NAT16: variants seen among roughly 807,000 people sequenced by gnomAD.
NAT16 encodes N-acetyltransferase 16 (putative).
NAT16 carries 16 observed loss-of-function variants against 15.9 expected under a neutral mutation model. That is an observed-to-expected ratio of 1.01 (90% CI 0.68 to 1.53). The LOEUF is 1.53. Among genes scored for constraint, NAT16 ranks in the 40% most tolerant of loss-of-function variants. The pLI, the probability that NAT16 is intolerant of heterozygous loss-of-function variation, is 0.00. For missense variants in NAT16, 572 were observed against 508.4 expected (o/e 1.13, Z -1.20); for synonymous variants, 260 against 241.9 (o/e 1.07, Z -0.69).
At chr7:101,176,754 A>G (rs929248309) in intron 1 of NAT16, among the ~76,000 whole-genome samples, 18 of 152,136 alleles carry the variant, frequency 1.2e-4, no homozygotes, top group Admixed American at 6.6e-5. Flanking sequence ...AGCCAAATCA[A>G]CCAATCAAAT....
intron 1 of NAT16, among the ~76,000 whole-genome samples, chr7:101,175,837 G>C (rs775729625): frequency 2.6e-5 from 4 of 151,246 alleles, no homozygotes; most frequent in East Asian, 2.0e-4. Flanking sequence ...TGGGAGGATC[G>C]TTTGAGCCAA....
intron 1 of NAT16, among the ~76,000 whole-genome samples, chr7:101,175,430 A>G (rs1288997459): frequency 1.3e-5 from 2 of 151,838 alleles, no homozygotes; most frequent in African/African-American, 2.4e-5. Context: ...TCTGCTGTCC[A>G]CACAGACCCT....
At chr7:101,175,633 AAAAG>A (rs1562875260) in intron 1 of NAT16, among the ~76,000 whole-genome samples, 6 of 150,404 alleles carry the variant, frequency 4.0e-5, no homozygotes, top group Non-Finnish European at 4.5e-5. Context: ...TTAAAAAAAA[AAAAG>A]AAGAAGAAGG....
Position 101,172,596 on chromosome 7 carries a change from C to G in NAT16, c.593G>C (p.Arg198Pro), listed in dbSNP as rs1356524808. The G allele has an allele frequency of 2.0e-6, 3 of 1,527,800 alleles. No individual in the cohort carries two copies. The highest frequency in any genetic ancestry group is 1.4e-5 in the African/African-American group (1 of 70,178). 94.6% of individuals were successfully genotyped at this position (1,527,800 alleles called of 1,614,324 possible). Residue 198 changes from arginine to proline, a missense_variant, in exon 4 of 4, where the codon CGG (arginine) becomes CCG (proline). Transcript: ENST00000300303. The surrounding 1 kb of genome is among the most constrained non-coding windows in gnomAD (Gnocchi z 4.2). ...GCCAGAGGTCCGCAGCGCCGCCAGC[C>G]GCGCGCCCAGCCCGGCCAGCAGCGC... is the stretch of plus-strand genomic sequence containing the variant. ...ASALLAGLGA[R>P]LAALRTSGTF...
chr7:101,176,982 C>T (rs1013722018), intron 1 of NAT16, among the ~76,000 whole-genome samples: 1 of 152,198 alleles, frequency 6.6e-6, no homozygotes, highest in East Asian at 1.9e-4. Context: ...TTTGCACTTC[C>T]AAGCCATAAA....
At chr7:101,177,241 G>A (rs1196725080) in intron 1 of NAT16, among the ~76,000 whole-genome samples, 1 of 152,202 alleles carries the variant, frequency 6.6e-6, no homozygotes, top group Non-Finnish European at 1.5e-5. Context: ...AGCCTTGCCC[G>A]AGGTGACTCA....
In NAT16 at chr7:101,172,453, A is replaced by G; in HGVS notation, c.736T>C (p.Trp246Arg). 1 of 1,600,738 alleles carries G rather than the reference A, an allele frequency of 6.2e-7. No homozygotes were observed. The highest frequency in any genetic ancestry group is 8.5e-7 in the Non-Finnish European group (1 of 1,176,926). The change falls in exon 4 of 4, where the codon TGG (tryptophan) becomes CGG (arginine). Residue 246 changes from tryptophan (W) to arginine (R), a missense_variant. Transcript: ENST00000300303. The surrounding 1 kb of genome is among the most constrained non-coding windows in gnomAD (Gnocchi z 4.2). ...VLPGGTIIQD[W>R]QPYRPSESNL... ...CTTTCGCTAGGCCGGTAGGGCTGCC[A>G]GTCCTGGATGATGGTCCCGCCTGGA... is the stretch of plus-strand genomic sequence containing the variant.
In NAT16 at chr7:101,172,034, G is replaced by A. The variant is rs766694942; in HGVS notation, c.*45C>T. 9 of 1,380,884 alleles carry A rather than the reference G, an allele frequency of 6.5e-6. No homozygotes were observed. In the Admixed American group the frequency reaches 1.0e-4, roughly 15 times the overall value. The allele number at this position is 1,380,884 out of a possible 1,614,324, so 85.5% of individuals were successfully genotyped here. A position where few individuals can be genotyped will look rare whatever the true frequency, so the allele number is the denominator to read the frequency against. Reference sequence around the variant, plus strand: ...GAAAGAGGCTGGCTGGGGAAACTGCGGAAGGGGGCGGGTCTTTTTCCCCCT... The same window carrying A: ...GAAAGAGGCTGGCTGGGGAAACTGCAGAAGGGGGCGGGTCTTTTTCCCCCT... On this transcript the variant is annotated 3_prime_UTR_variant, in exon 4 of 4. Transcript: ENST00000300303. This position sits in a 1 kb window ranked among gnomAD's most constrained non-coding sequence, Gnocchi z 4.2.
rs1562874715 is a variant in NAT16, at chr7:101,174,602, A to G, written c.206T>C (p.Ile69Thr). Reference protein sequence around the residue: ...TEREFEEVLAISGGIYGGLDY... With the variant: ...TEREFEEVLATSGGIYGGLDY... ...CAGGCCGCCGTAGATGCCCCCCGAG[A>G]TGGCCAGCACTTCCTCAAACTCCCG... is the stretch of plus-strand genomic sequence containing the variant. Residue 69 changes from isoleucine (I) to threonine (T), a missense_variant, in exon 2 of 4, where the codon ATC becomes ACC. Transcript: ENST00000300303. 1 of 1,614,080 alleles carries G rather than the reference A, an allele frequency of 6.2e-7. No individual in the cohort carries two copies. The highest frequency in any genetic ancestry group is 1.1e-5 in the South Asian group (1 of 91,078).
In NAT16 at chr7:101,172,722, G is replaced by C. The variant is rs1318534242; in HGVS notation, c.538-71C>G. On this transcript the variant is annotated intron_variant, in intron 3 of 3. Coordinates refer to ENST00000300303, the MANE Select transcript of NAT16 (RefSeq NM_198571.3). This position sits in a 1 kb window ranked among gnomAD's most constrained non-coding sequence, Gnocchi z 4.2. ...CTGGCGAGCCCGGCGCCTCTCGGCA[G>C]GCATCTTCACTCCCACGTTCACGCC... is the stretch of plus-strand genomic sequence containing the variant. 1 of 1,251,844 alleles carries C rather than the reference G, an allele frequency of 8.0e-7. No homozygotes were observed. Among genetic ancestry groups the C allele is most frequent in the Non-Finnish European group, 1.1e-6 (1 of 948,730 alleles). The allele number at this position is 1,251,844 out of a possible 1,614,324, so 77.5% of individuals were successfully genotyped here. A position where few individuals can be genotyped will look rare whatever the true frequency, so the allele number is the denominator to read the frequency against.
Position 101,171,995 on chromosome 7 carries a change from G to A in NAT16, c.*84C>T, listed in dbSNP as rs950490106. 32 of 972,000 alleles carry A rather than the reference G, an allele frequency of 3.3e-5. No individual in the cohort carries two copies. The highest frequency in any genetic ancestry group is 4.7e-5 in the Non-Finnish European group (30 of 639,822). The allele number at this position is 972,000 out of a possible 1,614,324, so 60.2% of individuals were successfully genotyped here. On this transcript the variant is annotated 3_prime_UTR_variant, in exon 4 of 4. Coordinates refer to ENST00000300303, the MANE Select transcript of NAT16 (RefSeq NM_198571.3). Reference sequence around the variant, plus strand: ...GAGGGGACTTCCCAGGAGACGCAGCGTCGGAAATGGCAGGAAAGAGGCTGG... The same window carrying A: ...GAGGGGACTTCCCAGGAGACGCAGCATCGGAAATGGCAGGAAAGAGGCTGG...
intron 2 of NAT16, chr7:101,174,023 CCCGG>C (rs775689280): frequency 9.4e-4 from 212 of 225,330 alleles, no homozygotes; most frequent in Non-Finnish European, 1.2e-3. Flanking sequence ...AGCCGACGCG[CCCGG>C]CCCCTTCCAC....
At position 101,174,537 on chromosome 7, in the gene NAT16, G is replaced by T. The variant is rs141085888; in HGVS notation, c.271C>A (p.Pro91Thr). Residue 91 changes from proline (P) to threonine (T), a missense_variant, in exon 2 of 4, where the codon CCC becomes ACC. Transcript: ENST00000300303. ...PSRYHSWLRD[P>T]DRTVVLAKRN... Reference sequence around the variant, plus strand: ...TTGGCCAGCACCACCGTGCGGTCGGGGTCCCGGAGCCAGCTGTGGTAGCGG... The same window carrying T: ...TTGGCCAGCACCACCGTGCGGTCGGTGTCCCGGAGCCAGCTGTGGTAGCGG... 332 of 1,613,860 alleles carry T rather than the reference G, an allele frequency of 2.1e-4. No homozygotes were observed. In the Middle Eastern group the frequency reaches 3.8e-3, roughly 18 times the overall value.
intron 1 of NAT16, among the ~76,000 whole-genome samples, chr7:101,175,739 G>A (rs146057660): frequency 3.9e-5 from 6 of 152,156 alleles, no homozygotes; most frequent in African/African-American, 1.4e-4. Flanking sequence ...AACAGCCTGG[G>A]CAATATAGTG....
chr7:101,173,593 C>T, intron 2 of NAT16, 73 bp from the exon 3 acceptor site: 2 of 1,326,000 alleles, frequency 1.5e-6, no homozygotes, highest in South Asian at 3.0e-5. Flanking sequence ...TCACTGGGCT[C>T]TCCTCTTCCC....
rs562725626 is a variant in NAT16, at chr7:101,173,561, C to A, written c.313-41G>T. On this transcript the variant is annotated intron_variant, in intron 2 of 3. Coordinates refer to ENST00000300303, the MANE Select transcript of NAT16 (RefSeq NM_198571.3). ...GTTAGCGCGGGGCCCTCCCCGCCTG[C>A]GCCCCTGCCAGGGCTGTCGGTTCAC... 2.8e-5 allele frequency: 41 copies of A among 1,488,058 alleles called. No individual in the cohort carries two copies. In the East Asian group the frequency reaches 9.5e-4, roughly 35 times the overall value. The allele number at this position is 1,488,058 out of a possible 1,614,324, so 92.2% of individuals were successfully genotyped here.
rs930612363 is a variant in NAT16, at chr7:101,172,656, G to C, written c.538-5C>G. 2.7e-6 allele frequency: 4 copies of C among 1,499,882 alleles called. No homozygotes were observed. Among genetic ancestry groups the C allele is most frequent in the Non-Finnish European group, 2.6e-6 (3 of 1,134,840 alleles). The allele number at this position is 1,499,882 out of a possible 1,614,324, so 92.9% of individuals were successfully genotyped here. A position where few individuals can be genotyped will look rare whatever the true frequency, so the allele number is the denominator to read the frequency against. On this transcript the variant is annotated splice_polypyrimidine_tract_variant and splice_region_variant and intron_variant, in intron 3 of 3. Transcript: ENST00000300303. The surrounding 1 kb of genome is among the most constrained non-coding windows in gnomAD (Gnocchi z 4.2). ...GAATCGGACCAAAAGGATGCCCTGC[G>C]GGGGGCACGAGTGAGCGCGGGGAGG...
At chr7:101,175,963 C>T (rs1029099100) in intron 1 of NAT16, among the ~76,000 whole-genome samples, 3 of 151,682 alleles carry the variant, frequency 2.0e-5, no homozygotes, top group African/African-American at 7.3e-5. Context: ...AGGATCCCAT[C>T]ACCTCTCTAA....
Position 101,172,795 on chromosome 7 carries a change from C to T in NAT16, c.538-144G>A. 3.0e-6 allele frequency: 2 copies of T among 663,300 alleles called. No individual in the cohort carries two copies. Among genetic ancestry groups the T allele is most frequent in the Non-Finnish European group, 4.8e-6 (2 of 414,234 alleles). The allele number at this position is 663,300 out of a possible 1,614,324, so 41.1% of individuals were successfully genotyped here. On this transcript the variant is annotated intron_variant, in intron 3 of 3. Coordinates refer to ENST00000300303, the MANE Select transcript of NAT16 (RefSeq NM_198571.3). The surrounding 1 kb of genome is among the most constrained non-coding windows in gnomAD (Gnocchi z 4.2). Reference sequence around the variant, plus strand: ...TCTGGAGGAGCGACCGTGAGGGCTCCGGGCCGAGTGGGGTATGGGAAAGCC... The same window carrying T: ...TCTGGAGGAGCGACCGTGAGGGCTCTGGGCCGAGTGGGGTATGGGAAAGCC...
Sources: gnomAD v4.1 joint callset for allele counts (sites outside exome capture counted in the v4.1 genomes callset) on GRCh38, gnomAD v4.1.1 for gene constraint, Gnocchi (gnomAD v3.1) non-coding constraint, MANE v1.5 for transcripts, NCBI Gene and HGNC (gene_info 2026-07-23, HGNC 2026-07-21) for gene names.